Variants in APBB2 observed in about 807,000 individuals in gnomAD.
APBB2 encodes the protein Fe65-like 1.
In APBB2, 38 loss-of-function variants were observed where a neutral mutation model predicts 82.5. That is an observed-to-expected ratio of 0.46 (90% CI 0.36 to 0.60). The LOEUF (loss-of-function observed/expected upper bound fraction) is 0.60, where lower values mean the gene tolerates loss of function less well. Among genes scored for constraint, APBB2 ranks in the 20% least tolerant of loss-of-function variants. The pLI is 0.00. For synonymous variants in APBB2, 341 were observed against 368.2 expected (o/e 0.93, Z 0.85); for missense variants, 772 against 972.3 (o/e 0.79, Z 2.74).
At chr4:40,852,312 C>T (rs538368615) in intron 12 of APBB2, among the ~76,000 whole-genome samples, 3 of 144,084 alleles carry the variant, frequency 2.1e-5, no homozygotes, top group Admixed American at 7.1e-5. Context: ...GATCGTGACA[C>T]TGCACTCCAG....
At chr4:41,077,109 A>G (rs1735905354) in intron 3 of APBB2, among the ~76,000 whole-genome samples, 1 of 151,130 alleles carries the variant, frequency 6.6e-6, no homozygotes, top group East Asian at 1.9e-4. Flanking sequence ...GGCTCAAGTG[A>G]TCCTCCCACC....
rs556960511 is a variant in APBB2, at chr4:40,903,617, G to A, written c.1255-10206C>T. Among the ~76,000 whole-genome samples, 67 of 152,340 alleles carry A rather than the reference G, an allele frequency of 4.4e-4. No individual in the cohort carries two copies. In the South Asian group the frequency reaches 0.013, roughly 31 times the overall value. On this transcript the variant is annotated intron_variant, in intron 10 of 17. Transcript: ENST00000508593. ...AGGAGAAGGGTGTTACCCTTCTGCT[G>A]AGGAGAACGTTGGCAGAGAAAAAGG...
At chr4:41,077,484 G>A (rs574182725) in intron 3 of APBB2, among the ~76,000 whole-genome samples, 60 of 152,106 alleles carry the variant, frequency 3.9e-4, no homozygotes, top group African/African-American at 1.4e-3. Context: ...TACCCTAAAA[G>A]CATCCAAAAA....
At chr4:41,016,181 G>A (rs1358678968) in intron 5 of APBB2, among the ~76,000 whole-genome samples, 1 of 152,114 alleles carries the variant, frequency 6.6e-6, no homozygotes, top group Non-Finnish European at 1.5e-5. Context: ...AAAAGGCATG[G>A]CAAAACATTT....
At chr4:41,202,772 T>C (rs924362989) in intron 1 of APBB2, among the ~76,000 whole-genome samples, 5 of 152,348 alleles carry the variant, frequency 3.3e-5, no homozygotes, top group South Asian at 2.1e-4. Flanking sequence ...TCTCCTGTTG[T>C]AGAAATAAGT....
intron 6 of APBB2, among the ~76,000 whole-genome samples, chr4:41,003,354 C>T (rs946779473): frequency 5.3e-5 from 8 of 152,166 alleles, no homozygotes; most frequent in Non-Finnish European, 1.0e-4. Context: ...TTCTCGCAAA[C>T]ATTCTTTCAC....
At chr4:41,030,973 C>T (rs551107456) in intron 5 of APBB2, among the ~76,000 whole-genome samples, 1 of 152,222 alleles carries the variant, frequency 6.6e-6, no homozygotes, top group East Asian at 1.9e-4. Context: ...ACCTGTAATC[C>T]TACCACTTTG....
chr4:41,020,548 G>A (rs1335586235), intron 5 of APBB2, among the ~76,000 whole-genome samples: 1 of 152,208 alleles, frequency 6.6e-6, no homozygotes, highest in African/African-American at 2.4e-5. Context: ...CCAATTCTAA[G>A]TTAATATGGA....
At chr4:41,207,720 AGCCCAGGG>A (rs369027185) in intron 1 of APBB2, 8 of 152,156 alleles carry the variant, frequency 5.3e-5, no homozygotes, top group African/African-American at 1.7e-4. Context: ...ATTCCTGGAA[AGCCCAGGG>A]GCCCCATCAG....
chr4:41,083,805 C>G (rs4861365), intron 3 of APBB2, among the ~76,000 whole-genome samples: 50,916 of 149,584 alleles, frequency 0.34, 8,753 homozygotes, highest in Non-Finnish European at 0.37. Context: ...TTAACAGTAA[C>G]TTATTTCATC....
intron 1 of APBB2, among the ~76,000 whole-genome samples, chr4:41,152,314 T>C (rs1248531483): frequency 6.6e-6 from 1 of 151,856 alleles, no homozygotes; most frequent in Non-Finnish European, 1.5e-5. Flanking sequence ...TTTTCACTTG[T>C]TTCTTTTCTT....
At position 41,198,216 on chromosome 4, in the gene APBB2, G is replaced by T; in HGVS notation, c.-417+16189C>A. Among the ~76,000 whole-genome samples, 1,358 of 152,236 alleles carry T rather than the reference G, an allele frequency of 8.9e-3. 9 individuals carry two copies. Among genetic ancestry groups the T allele is most frequent in the African/African-American group, 0.012 (484 of 41,532 alleles). On this transcript the variant is annotated intron_variant, in intron 1 of 17. Transcript: ENST00000508593. ...ACAGGAAAGGCTACACCCAGCTCTT[G>T]CCCATAATGCTACCACAAGGAACAT...
At chr4:41,132,757 A>G (rs1021666766) in intron 2 of APBB2, among the ~76,000 whole-genome samples, 2 of 152,186 alleles carry the variant, frequency 1.3e-5, no homozygotes, top group Non-Finnish European at 2.9e-5. Flanking sequence ...CACTCTCCCC[A>G]CAAAAATTGC....
At chr4:41,000,344 G>C (rs62412087) in intron 6 of APBB2, among the ~76,000 whole-genome samples, 6,366 of 152,164 alleles carry the variant, frequency 0.042, 271 homozygotes, top group African/African-American at 0.11. Context: ...CTTCTCCTAG[G>C]AGAAATAAGG....
At chr4:40,935,213 A>C (rs76781849) in intron 7 of APBB2, 74 bp from the exon 8 acceptor site, 3 of 1,086,288 alleles carry the variant, frequency 2.8e-6, no homozygotes, top group South Asian at 1.5e-5. Flanking sequence ...AAAAAAAAAA[A>C]ACACAAGACA....
intron 2 of APBB2, among the ~76,000 whole-genome samples, chr4:41,102,586 G>C (rs1745854127): frequency 6.6e-6 from 1 of 152,164 alleles, no homozygotes; most frequent in African/African-American, 2.4e-5. Context: ...AGCTGCATAT[G>C]GTTACACAGA....
At chr4:40,964,737 A>T (rs1280274710) in intron 6 of APBB2, among the ~76,000 whole-genome samples, 2 of 28,414 alleles carry the variant, frequency 7.0e-5, no homozygotes, top group Non-Finnish European at 2.4e-4. Context: ...ACACGGGGGA[A>T]AATACCCATT....
At chr4:40,828,369 C>T (rs968579292) in intron 13 of APBB2, among the ~76,000 whole-genome samples, 5 of 152,206 alleles carry the variant, frequency 3.3e-5, no homozygotes, top group African/African-American at 1.2e-4. Flanking sequence ...TAACTCGGAT[C>T]TTCATTCCCA....
chr4:41,145,196 C>T (rs1449481315), intron 1 of APBB2, among the ~76,000 whole-genome samples: 3 of 152,160 alleles, frequency 2.0e-5, no homozygotes, highest in Non-Finnish European at 2.9e-5. Flanking sequence ...CCCTTAATGA[C>T]TCCTGGCACA....
Sources: allele counts gnomAD v4.1 joint callset (sites outside exome capture counted in the v4.1 genomes callset), GRCh38; gene constraint gnomAD v4.1.1; transcripts MANE v1.5; gene names NCBI Gene and HGNC (gene_info 2026-07-23, HGNC 2026-07-21).